NR6A1: variants seen among roughly 807,000 people sequenced by gnomAD.
NR6A1 encodes retinoic acid receptor-related testis-associated receptor.
Under a neutral mutation model 59.1 loss-of-function variants are expected in NR6A1, and 7 were observed. The observed-to-expected ratio is 0.12, with a 90% CI of 0.07 to 0.22. The LOEUF is 0.22. Ranked by LOEUF, NR6A1 falls within the 10% of genes least tolerant of loss-of-function variation. The pLI, the probability that NR6A1 is intolerant of heterozygous loss-of-function variation, is 1.00. For synonymous variants in NR6A1, 243 were observed against 236.1 expected, an observed-to-expected ratio of 1.03 and a Z score of -0.27; for missense variants, 468 against 611.6, an observed-to-expected ratio of 0.77 and a Z score of 2.48.
chr9:124,543,750 T>C, intron 4 of NR6A1, 52 bp downstream of exon 4: 1 of 1,444,338 alleles, frequency 6.9e-7, no homozygotes, highest in Non-Finnish European at 9.5e-7. Context: ...CAGGAACAGC[T>C]GGAGCCCTGG....
intron 2 of NR6A1, chr9:124,693,732 A>G (rs556757681): frequency 5.6e-6 from 3 of 534,580 alleles, no homozygotes; most frequent in Non-Finnish European, 1.2e-5. Context: ...CTCAACATTC[A>G]TTGCTGTCGG....
chr9:124,619,528 G>A (rs1359191643), intron 2 of NR6A1, among the ~76,000 whole-genome samples: 2 of 152,096 alleles, frequency 1.3e-5, no homozygotes, highest in Non-Finnish European at 2.9e-5. Flanking sequence ...CTCCCAAAGC[G>A]CTGGGGTTAC....
chr9:124,575,581 T>TA (rs1834566512), intron 2 of NR6A1, among the ~76,000 whole-genome samples: 1 of 151,916 alleles, frequency 6.6e-6, no homozygotes, highest in Admixed American at 6.6e-5. Context: ...CTCAAAAAAA[T>TA]AAAAAATAAA....
Position 124,771,310 on chromosome 9 carries a change from C to G in NR6A1, c.-191G>C. 2.6e-6 allele frequency: 1 copy of G among 387,866 alleles called. No individual in the cohort carries two copies. The highest frequency in any genetic ancestry group is 3.7e-5 in the East Asian group (1 of 27,032). The allele number at this position is 387,866 out of a possible 1,614,324, so 24.0% of individuals were successfully genotyped here. Reference sequence around the variant, plus strand: ...CCCTCCGCGCCGCGCCCCCTCAGCACTGGCCAGCTCCCTCCCCTGACGTCA... The same window carrying G: ...CCCTCCGCGCCGCGCCCCCTCAGCAGTGGCCAGCTCCCTCCCCTGACGTCA... On this transcript the variant is annotated 5_prime_UTR_variant, in exon 1 of 10. Transcript: ENST00000487099.
chr9:124,654,346 C>A (rs1297594945), intron 2 of NR6A1, among the ~76,000 whole-genome samples: 2 of 152,116 alleles, frequency 1.3e-5, no homozygotes, highest in Non-Finnish European at 2.9e-5. Context: ...GGGAAAAAAA[C>A]AAATTTGGGA....
rs886137408 is a variant in NR6A1 at position 124,583,958 on chromosome 9, T to C, written c.143-29388A>G. On this transcript the variant is annotated intron_variant, in intron 2 of 9. Coordinates refer to ENST00000487099, the MANE Select transcript of NR6A1 (RefSeq NM_033334.4). ...TATTTCCCTCTGCTAGACTTGGGTA[T>C]ATCACAGGGCAGGGAGAGAGTCTTA... 2.6e-5 allele frequency among the ~76,000 whole-genome samples: 4 copies of C among 152,328 alleles called. No homozygotes were observed. The East Asian group carries it at 7.7e-4, about 29-fold the overall frequency.
At chr9:124,580,823 A>T (rs188967049) in intron 2 of NR6A1, among the ~76,000 whole-genome samples, 15 of 151,654 alleles carry the variant, frequency 9.9e-5, no homozygotes, top group South Asian at 2.1e-4. Context: ...CCAACTCAAA[A>T]AATAATAATA....
At chr9:124,577,768 A>AT (rs1834643168) in intron 2 of NR6A1, among the ~76,000 whole-genome samples, 1 of 152,232 alleles carries the variant, frequency 6.6e-6, no homozygotes, top group Non-Finnish European at 1.5e-5. Flanking sequence ...CATTGCAGAA[A>AT]TTGGGAAAAC....
chr9:124,561,556 A>G (rs1330830217), intron 2 of NR6A1, among the ~76,000 whole-genome samples: 1 of 152,258 alleles, frequency 6.6e-6, no homozygotes, highest in Non-Finnish European at 1.5e-5. Context: ...GTAGCTTTGC[A>G]AAGTATAAGT....
intron 2 of NR6A1, among the ~76,000 whole-genome samples, chr9:124,727,688 T>A (rs1839760066): frequency 6.6e-6 from 1 of 152,010 alleles, no homozygotes; most frequent in Admixed American, 6.5e-5. Flanking sequence ...TGACTTTATT[T>A]ATTTATTTAT....
intron 2 of NR6A1, among the ~76,000 whole-genome samples, chr9:124,584,658 A>T (rs2131469155): frequency 6.6e-6 from 1 of 152,222 alleles, no homozygotes; most frequent in East Asian, 1.9e-4. Context: ...TAATCGAAAA[A>T]TGTTGTATGT....
At chr9:124,692,847 A>G (rs925824025) in intron 2 of NR6A1, among the ~76,000 whole-genome samples, 5 of 152,228 alleles carry the variant, frequency 3.3e-5, no homozygotes, top group African/African-American at 4.8e-5. Context: ...AAAATTTATT[A>G]AAAATACGTA....
chr9:124,640,714 T>C (rs16927555), intron 2 of NR6A1, among the ~76,000 whole-genome samples: 3,535 of 151,986 alleles, frequency 0.023, 109 homozygotes, highest in East Asian at 0.095. Context: ...CCAATCTTTT[T>C]TACACACATA....
At chr9:124,770,321 A>C (rs1295699668) in intron 1 of NR6A1, 1 of 148,162 alleles carries the variant, frequency 6.7e-6, no homozygotes, top group East Asian at 2.2e-4. Context: ...GGCGCAGGGG[A>C]AGCAGGAGGC....
At position 124,517,490 on chromosome 9, in the gene NR6A1, G is replaced by A. The variant is rs182699374; in HGVS notation, c.*5215C>T. 2 of 152,394 alleles carry A rather than the reference G, an allele frequency of 1.3e-5. No homozygotes were observed. The highest frequency in any genetic ancestry group is 4.8e-5 in the African/African-American group (2 of 41,580). The allele number at this position is 152,394 out of a possible 1,614,324, so 9.4% of individuals were successfully genotyped here. A position where few individuals can be genotyped will look rare whatever the true frequency, so the allele number is the denominator to read the frequency against. On this transcript the variant is annotated 3_prime_UTR_variant, in exon 10 of 10. Transcript: ENST00000487099. ...TGGTCATGGAGGGTTGATGGAGTCA[G>A]GCTGGCGGGCAGCCCTTGGCCGGCC... is the stretch of plus-strand genomic sequence containing the variant.
intron 2 of NR6A1, among the ~76,000 whole-genome samples, chr9:124,618,644 C>T (rs768777749): frequency 7.2e-5 from 11 of 152,138 alleles, no homozygotes; most frequent in Non-Finnish European, 1.2e-4. Flanking sequence ...TTAATCTGAA[C>T]TAAAGTTTGG....
chr9:124,621,816 AG>A (rs1564204947), intron 2 of NR6A1, among the ~76,000 whole-genome samples: 1 of 152,192 alleles, frequency 6.6e-6, no homozygotes, highest in Non-Finnish European at 1.5e-5. Context: ...CTAAACCATA[AG>A]CCACACAGAA....
chr9:124,612,780 T>TTTTC (rs781666926), intron 2 of NR6A1, among the ~76,000 whole-genome samples: 2 of 144,758 alleles, frequency 1.4e-5, no homozygotes, highest in African/African-American at 2.5e-5. Flanking sequence ...TAGTTTGGGT[T>TTTTC]TTTCTTTCTT....
intron 2 of NR6A1, among the ~76,000 whole-genome samples, chr9:124,715,211 A>G (rs1839381946): frequency 1.3e-5 from 2 of 151,908 alleles, no homozygotes; most frequent in Middle Eastern, 3.2e-3. Flanking sequence ...AGAAAAAAAA[A>G]AAAAAGAAGA....
Sources: allele counts gnomAD v4.1 joint callset (sites outside exome capture counted in the v4.1 genomes callset), GRCh38; gene constraint gnomAD v4.1.1; transcripts MANE v1.5; gene names NCBI Gene and HGNC (gene_info 2026-07-23, HGNC 2026-07-21).